The following CNTNAP5 variants were observed in gnomAD, a reference collection of about 807,000 sequenced individuals.
CNTNAP5 encodes contactin-associated protein-like 5.
In CNTNAP5, 72 loss-of-function variants were observed where a neutral mutation model predicts 150.2. That is an observed-to-expected ratio of 0.48 (90% CI 0.40 to 0.58). CNTNAP5 has a LOEUF of 0.58. CNTNAP5 is among the 20% of genes least tolerant of loss of function. The pLI, the probability that CNTNAP5 is intolerant of heterozygous loss-of-function variation, is 0.00. For missense variants in CNTNAP5, 1,636 were observed against 1,626.2 expected (o/e 1.01, Z -0.10); for synonymous variants, 672 against 619.8 (o/e 1.08, Z -1.25).
chr2:124,201,451 C>T (rs1178685140), intron 1 of CNTNAP5, among the ~76,000 whole-genome samples: 1 of 152,298 alleles, frequency 6.6e-6, no homozygotes. Flanking sequence ...CTCCTCAACA[C>T]AATCATGCTA....
chr2:124,802,288 T>C (rs1681986438), intron 19 of CNTNAP5, among the ~76,000 whole-genome samples: 1 of 152,186 alleles, frequency 6.6e-6, no homozygotes, highest in African/African-American at 2.4e-5. Context: ...AAGTCATGGT[T>C]ATAAGTCTCT....
At chr2:124,706,904 G>GAGAAGAGGAAGAGGAAGA (rs1558743250) in intron 13 of CNTNAP5, among the ~76,000 whole-genome samples, 1 of 5,350 alleles carries the variant, frequency 1.9e-4, no homozygotes, top group Non-Finnish European at 4.5e-4. Flanking sequence ...GAAGAAGAAG[G>GAGAAGAGGAAGAGGAAGA]AGGAGGAGGA....
chr2:124,174,961 GA>G (rs1685025487), intron 1 of CNTNAP5, among the ~76,000 whole-genome samples: 1 of 152,164 alleles, frequency 6.6e-6, no homozygotes, highest in Non-Finnish European at 1.5e-5. Flanking sequence ...AAAACGTTAT[GA>G]CTTGCTGAAG....
intron 1 of CNTNAP5, among the ~76,000 whole-genome samples, chr2:124,188,716 C>CAAAACA (rs1685390632): frequency 1.4e-5 from 1 of 73,076 alleles, no homozygotes; most frequent in Non-Finnish European, 2.4e-5. Flanking sequence ...GACTCTGTCT[C>CAAAACA]AAAAAAAAAA....
At chr2:124,612,156 GA>G (rs757840698) in intron 12 of CNTNAP5, among the ~76,000 whole-genome samples, 110 of 152,068 alleles carry the variant, frequency 7.2e-4, no homozygotes, top group Non-Finnish European at 1.0e-3. Context: ...AATTTTGAGG[GA>G]AAAAAGTATG....
At chr2:124,869,877 T>C in intron 21 of CNTNAP5, 115 bp downstream of exon 21, 1 of 545,416 alleles carries the variant, frequency 1.8e-6, no homozygotes, top group South Asian at 3.7e-5. Flanking sequence ...CCATAATATC[T>C]GAGATCTGAA....
intron 13 of CNTNAP5, among the ~76,000 whole-genome samples, chr2:124,659,593 G>A (rs1039832281): frequency 3.3e-5 from 5 of 152,132 alleles, no homozygotes; most frequent in East Asian, 3.9e-4. Context: ...CTGCGAAATA[G>A]CTAACATATT....
chr2:124,483,808 A>T (rs771509622), intron 7 of CNTNAP5, among the ~76,000 whole-genome samples: 14 of 152,224 alleles, frequency 9.2e-5, no homozygotes, highest in Admixed American at 8.5e-4. Flanking sequence ...CTCAGAAATT[A>T]CACACCTGGC....
At chr2:124,686,798 A>G (rs1400949015) in intron 13 of CNTNAP5, among the ~76,000 whole-genome samples, 1 of 152,192 alleles carries the variant, frequency 6.6e-6, no homozygotes, top group South Asian at 2.1e-4. Context: ...AATCTAGACA[A>G]GTCGACCAGA....
intron 6 of CNTNAP5, among the ~76,000 whole-genome samples, chr2:124,471,500 T>C (rs745943043): frequency 2.6e-5 from 4 of 152,144 alleles, no homozygotes; most frequent in Non-Finnish European, 5.9e-5. Flanking sequence ...TCGGATTATG[T>C]CATCTGCAAA....
At position 124,489,240 on chromosome 2, in the gene CNTNAP5, A is replaced by G. The variant is rs543110135; in HGVS notation, c.1062+14358A>G. ...CAAAATACCACAGACTGTTTGACTA[A>G]CACAACAGAAATTATTTTCCCACAG... On this transcript the variant is annotated intron_variant, in intron 7 of 23. Transcript: ENST00000682447. Among the ~76,000 whole-genome samples, 207 of 152,312 alleles carry G rather than the reference A, an allele frequency of 1.4e-3. 1 individual carries two copies. Among genetic ancestry groups the G allele is most frequent in the Non-Finnish European group, 2.4e-3 (166 of 68,024 alleles).
At chr2:124,323,521 G>T (rs139080303) in intron 3 of CNTNAP5, among the ~76,000 whole-genome samples, 1 of 152,294 alleles carries the variant, frequency 6.6e-6, no homozygotes, top group Non-Finnish European at 1.5e-5. Flanking sequence ...CCATCTACAG[G>T]AGAGGACGAC....
chr2:124,401,605 G>A (rs535437780), intron 3 of CNTNAP5, among the ~76,000 whole-genome samples: 1 of 152,292 alleles, frequency 6.6e-6, no homozygotes, highest in African/African-American at 2.4e-5. Flanking sequence ...TCTTCCACAT[G>A]TACCTTAAAA....
intron 1 of CNTNAP5, among the ~76,000 whole-genome samples, chr2:124,129,555 G>A (rs11896523): frequency 0.3 from 45,108 of 152,126 alleles, 7,273 homozygotes; most frequent in Admixed American, 0.38. Context: ...GGGCAAGGAA[G>A]AGGGGTGAGT....
At chr2:124,813,426 AC>A in intron 19 of CNTNAP5, among the ~76,000 whole-genome samples, 1 of 146,506 alleles carries the variant, frequency 6.8e-6, no homozygotes, top group Non-Finnish European at 1.5e-5. Flanking sequence ...ATATACCCTC[AC>A]TGAGCTAACT....
chr2:124,506,272 G>A (rs189129443), intron 8 of CNTNAP5, among the ~76,000 whole-genome samples: 2 of 152,042 alleles, frequency 1.3e-5, no homozygotes, highest in East Asian at 3.9e-4. Context: ...AAGATTGCCT[G>A]TGCATTGTTC....
chr2:124,602,944 T>G (rs969075444), intron 11 of CNTNAP5, among the ~76,000 whole-genome samples: 2 of 152,178 alleles, frequency 1.3e-5, no homozygotes, highest in Admixed American at 1.3e-4. Flanking sequence ...ATACTTAATA[T>G]AATCTGTTAT....
At chr2:124,150,203 A>G (rs1299979392) in intron 1 of CNTNAP5, among the ~76,000 whole-genome samples, 1 of 152,186 alleles carries the variant, frequency 6.6e-6, no homozygotes, top group Admixed American at 6.5e-5. Flanking sequence ...TTATATCAAA[A>G]CATTTAGATT....
At chr2:124,513,298 C>T (rs1277655837) in intron 8 of CNTNAP5, among the ~76,000 whole-genome samples, 1 of 152,122 alleles carries the variant, frequency 6.6e-6, no homozygotes, top group Admixed American at 6.5e-5. Context: ...CATAAGGACA[C>T]CAAACATATG....
Sources: gnomAD v4.1 joint callset for allele counts (sites outside exome capture counted in the v4.1 genomes callset) on GRCh38, gnomAD v4.1.1 for gene constraint, MANE v1.5 for transcripts, NCBI Gene and HGNC (gene_info 2026-07-23, HGNC 2026-07-21) for gene names.